Variants in PLIN3 observed in about 807,000 individuals in gnomAD.
The protein encoded by PLIN3 is perilipin-3.
A neutral mutation model predicts 35.9 loss-of-function variants in PLIN3; 30 were observed. The ratio of observed to expected loss-of-function variants is 0.84; its 90% confidence interval spans 0.62 to 1.13. The LOEUF (loss-of-function observed/expected upper bound fraction) is 1.13, where lower values mean the gene tolerates loss of function less well. Among genes scored for constraint, PLIN3 ranks in the 50% most tolerant of loss-of-function variants. The pLI is 0.00. For missense variants in PLIN3, 603 were observed against 596.9 expected (o/e 1.01, Z -0.11); for synonymous variants, 261 against 262.5 (o/e 0.99, Z 0.06).
intron 4 of PLIN3, among the ~76,000 whole-genome samples, chr19:4,855,743 C>T (rs1423453770): frequency 6.6e-6 from 1 of 151,846 alleles, no homozygotes; most frequent in Non-Finnish European, 1.5e-5. Context: ...GGCAATATAG[C>T]AAGACCCCAT....
In PLIN3 at chr19:4,861,199, G is replaced by T; in HGVS notation, c.66+130C>A. On this transcript the variant is annotated intron_variant, in intron 2 of 7. Transcript: ENST00000221957. ...AGTGAGTGGTCCATACCCCACTGAG[G>T]AATAAATCCCTCTGGCTCCGTGAGC... 4 of 772,242 alleles carry T rather than the reference G, an allele frequency of 5.2e-6. No individual in the cohort carries two copies. In the South Asian group the frequency reaches 6.1e-5, roughly 12 times the overall value. The allele number at this position is 772,242 out of a possible 1,614,324, so 47.8% of individuals were successfully genotyped here. A position where few individuals can be genotyped will look rare whatever the true frequency, so the allele number is the denominator to read the frequency against.
intron 4 of PLIN3, among the ~76,000 whole-genome samples, chr19:4,858,409 G>A (rs931210057): frequency 2.0e-5 from 3 of 151,388 alleles, no homozygotes; most frequent in South Asian, 2.1e-4. Context: ...ACAGAGTCTC[G>A]CTCTGTCGCC....
At chr19:4,864,262 C>T (rs2030775175) in intron 1 of PLIN3, among the ~76,000 whole-genome samples, 1 of 151,378 alleles carries the variant, frequency 6.6e-6, no homozygotes, top group Admixed American at 6.6e-5. Context: ...AAGCGATTCT[C>T]CTGCCTCAGC....
In PLIN3 at chr19:4,839,429, C is replaced by T; in HGVS notation, c.1068G>A (p.Lys356=). Residue 356 remains lysine, a synonymous_variant, in exon 8 of 8, where the codon AAG becomes AAA. Transcript: ENST00000221957. ...GGCGGCGGGCCTGCTGCACCTGGTC[C>T]TTCACATTGGTGGGGAGGCCCTGAA... The part of the protein sequence containing the change: ...SSIQGLPTNV[K]DQVQQARRQV... 1 of 1,604,280 alleles carries T rather than the reference C, an allele frequency of 6.2e-7. No homozygotes were observed. The highest frequency in any genetic ancestry group is 1.3e-5 in the African/African-American group (1 of 74,906).
chr19:4,855,697 C>T (rs904554915), intron 4 of PLIN3, among the ~76,000 whole-genome samples: 3 of 151,934 alleles, frequency 2.0e-5, no homozygotes, highest in Admixed American at 6.6e-5. Context: ...CGTGAGCCAC[C>T]GTGCCTGGCT....
At chr19:4,865,945 G>T (rs184494540) in intron 1 of PLIN3, among the ~76,000 whole-genome samples, 2 of 150,264 alleles carry the variant, frequency 1.3e-5, no homozygotes, top group Non-Finnish European at 3.0e-5. Flanking sequence ...GGATCGTCTC[G>T]ATCTCCTGAC....
intron 4 of PLIN3, among the ~76,000 whole-genome samples, chr19:4,852,872 T>C (rs1305854925): frequency 1.3e-5 from 2 of 152,110 alleles, no homozygotes; most frequent in African/African-American, 4.8e-5. Context: ...TGGAGTGCAA[T>C]TGTGTGATCT....
intron 5 of PLIN3, among the ~76,000 whole-genome samples, chr19:4,849,609 G>A (rs148787278): frequency 5.3e-5 from 8 of 151,816 alleles, no homozygotes; most frequent in East Asian, 1.9e-4. Flanking sequence ...TCCCATGTTC[G>A]TAGGTTCATA....
chr19:4,841,792 T>C (rs2029897788), intron 7 of PLIN3, among the ~76,000 whole-genome samples: 3 of 148,804 alleles, frequency 2.0e-5, no homozygotes, highest in Admixed American at 1.3e-4. Flanking sequence ...GTAGTCCTAG[T>C]TACTTAGGAG....
chr19:4,858,695 T>TTTG (rs370366489), intron 4 of PLIN3, among the ~76,000 whole-genome samples: 40,485 of 111,802 alleles, frequency 0.36, 7,244 homozygotes, highest in Non-Finnish European at 0.43. Flanking sequence ...ATATGGTGTT[T>TTTG]TTTTGGTTTT....
In PLIN3 at chr19:4,857,568, C is replaced by CA. The variant is rs1028318940; in HGVS notation, c.348+2021dup. 1.5e-4 allele frequency among the ~76,000 whole-genome samples: 23 copies of CA among 149,656 alleles called. 1 individual carries two copies. The highest frequency in any genetic ancestry group is 1.3e-3 in the Admixed American group (20 of 14,922). On this transcript the variant is annotated intron_variant, in intron 4 of 7. Coordinates refer to ENST00000221957, the MANE Select transcript of PLIN3 (RefSeq NM_005817.5). Reference sequence around the variant, plus strand: ...TGGGTGACAGAGTGAGAACCTGTCTCAAAAAAAAAATTTTTTTTTTTAATG... The same window carrying CA: ...TGGGTGACAGAGTGAGAACCTGTCTCAAAAAAAAAAATTTTTTTTTTTAATG...
intron 7 of PLIN3, among the ~76,000 whole-genome samples, chr19:4,840,422 A>G (rs967062772): frequency 2.0e-5 from 3 of 152,008 alleles, no homozygotes; most frequent in Non-Finnish European, 4.4e-5. Flanking sequence ...GCCCAGCTAC[A>G]TTTTTAAAAT....
intron 4 of PLIN3, among the ~76,000 whole-genome samples, chr19:4,857,283 C>T (rs1054138477): frequency 6.6e-6 from 1 of 151,742 alleles, no homozygotes; most frequent in Non-Finnish European, 1.5e-5. Flanking sequence ...ACAAAAAGTA[C>T]AAAAATTAGC....
chr19:4,840,775 A>G (rs982755924), intron 7 of PLIN3, among the ~76,000 whole-genome samples: 15 of 152,264 alleles, frequency 9.9e-5, no homozygotes, highest in African/African-American at 3.4e-4. Context: ...CGAAACCCGC[A>G]TTTCTACTAA....
intron 1 of PLIN3, among the ~76,000 whole-genome samples, chr19:4,864,173 C>G (rs2030771948): frequency 7.1e-6 from 1 of 141,760 alleles, no homozygotes; most frequent in Non-Finnish European, 1.5e-5. Flanking sequence ...TTTTTTTGGA[C>G]AGGGAGTCTT....
intron 6 of PLIN3, among the ~76,000 whole-genome samples, chr19:4,846,138 A>G (rs140280919): frequency 1.3e-5 from 2 of 152,006 alleles, no homozygotes; most frequent in East Asian, 3.9e-4. Context: ...AGGCAGGAGA[A>G]TGGCATGAAC....
intron 1 of PLIN3, among the ~76,000 whole-genome samples, chr19:4,863,903 G>A (rs1175428861): frequency 6.6e-6 from 1 of 151,860 alleles, no homozygotes; most frequent in Non-Finnish European, 1.5e-5. Flanking sequence ...CAAAGATCTA[G>A]TCAAGGGATA....
At chr19:4,840,765 C>G (rs918503062) in intron 7 of PLIN3, among the ~76,000 whole-genome samples, 1 of 152,070 alleles carries the variant, frequency 6.6e-6, no homozygotes, top group African/African-American at 2.4e-5. Flanking sequence ...ACCAACATGG[C>G]GAAACCCGCA....
chr19:4,864,221 C>A (rs1372702359), intron 1 of PLIN3, among the ~76,000 whole-genome samples: 1 of 148,702 alleles, frequency 6.7e-6, no homozygotes, highest in Non-Finnish European at 1.5e-5. Flanking sequence ...GGCGTGATTT[C>A]GGCTCACTGT....
Sources: gnomAD v4.1 joint callset for allele counts (sites outside exome capture counted in the v4.1 genomes callset) on GRCh38, gnomAD v4.1.1 for gene constraint, MANE v1.5 for transcripts, NCBI Gene and HGNC (gene_info 2026-07-23, HGNC 2026-07-21) for gene names.